The following PCDHA9 variants were observed in gnomAD, a reference collection of about 807,000 sequenced individuals.
PCDHA9 encodes protocadherin alpha-9.
A neutral mutation model predicts 62.0 loss-of-function variants in PCDHA9; 62 were observed. The ratio of observed to expected loss-of-function variants is 1.00; its 90% CI spans 0.81 to 1.23. The LOEUF is 1.23. Ranked by LOEUF, PCDHA9 falls within the 50% of genes most tolerant of loss-of-function variation. The pLI, the probability that PCDHA9 is intolerant of heterozygous loss-of-function variation, is 0.00. For synonymous variants in PCDHA9, 557 were observed against 567.6 expected, an observed-to-expected ratio of 0.98 and a Z score of 0.27; for missense variants, 1,205 against 1,249.8, an observed-to-expected ratio of 0.96 and a Z score of 0.54.
At chr5:140,865,367 A>G (rs1392735028) in intron 1 of PCDHA9, 1 of 152,348 alleles carries the variant, frequency 6.6e-6, no homozygotes, top group Middle Eastern at 3.4e-3. Flanking sequence ...CAGGATAACC[A>G]TGTTATAGGT....
Position 140,949,948 on chromosome 5 carries a change from G to T in PCDHA9, c.2395-29001G>T, listed in dbSNP as rs2094436034. Among the ~76,000 whole-genome samples the T allele has an allele frequency of 2.0e-5, 3 of 151,288 alleles. No individual in the cohort carries two copies. In the South Asian group the frequency reaches 6.2e-4, roughly 31 times the overall value. On this transcript the variant is annotated intron_variant, in intron 1 of 3. Coordinates refer to ENST00000532602, the MANE Select transcript of PCDHA9 (RefSeq NM_031857.2). ...GATTTTTTTTAATTTGCATTTTTTA[G>T]TGGTTGCTGTAAGGATTACAGCATA...
intron 1 of PCDHA9, chr5:140,968,152 C>T (rs782362724): frequency 6.2e-7 from 1 of 1,614,172 alleles, no homozygotes; most frequent in South Asian, 1.1e-5. Context: ...TCTCTGACAT[C>T]AATGACAATC....
At chr5:140,858,420 G>C in intron 1 of PCDHA9, 4 of 1,558,504 alleles carry the variant, frequency 2.6e-6, no homozygotes, top group South Asian at 1.1e-5. Context: ...TCTATTGGAG[G>C]GGACCACTCT....
At chr5:140,943,157 C>T (rs2093427609) in intron 1 of PCDHA9, among the ~76,000 whole-genome samples, 1 of 148,876 alleles carries the variant, frequency 6.7e-6, no homozygotes, top group South Asian at 2.1e-4. Context: ...ACTCTGGAGG[C>T]TGAGGCAGGA....
At chr5:140,912,864 T>C (rs1483499385) in intron 1 of PCDHA9, among the ~76,000 whole-genome samples, 1 of 152,212 alleles carries the variant, frequency 6.6e-6, no homozygotes, top group East Asian at 1.9e-4. Context: ...TGAAATGATA[T>C]ATGGTTTTTG....
In PCDHA9 at chr5:140,967,342, C is replaced by G. The variant is rs149890293; in HGVS notation, c.2395-11607C>G. On this transcript the variant is annotated intron_variant, in intron 1 of 3. Coordinates refer to ENST00000532602, the MANE Select transcript of PCDHA9 (RefSeq NM_031857.2). ...CCTACGAGCTCAGCCCCAGCGAGCACTTCGAGCTGGACCTTAAGCCCCTGC... is the reference window on the plus strand; with the variant it reads ...CCTACGAGCTCAGCCCCAGCGAGCAGTTCGAGCTGGACCTTAAGCCCCTGC... The G allele has an allele frequency of 1.9e-6, 3 of 1,607,992 alleles. No individual in the cohort carries two copies. In the African/African-American group the frequency reaches 4.0e-5, roughly 22 times the overall value.
chr5:140,970,026 T>A (rs2153783055), intron 1 of PCDHA9, among the ~76,000 whole-genome samples: 1 of 152,304 alleles, frequency 6.6e-6, no homozygotes, highest in Non-Finnish European at 1.5e-5. Context: ...GGCAGAGAGA[T>A]TAAGTACCAA....
chr5:140,877,121 C>A, intron 1 of PCDHA9: 1 of 1,613,694 alleles, frequency 6.2e-7, no homozygotes, highest in African/African-American at 1.3e-5. Flanking sequence ...AGCAACGTGA[C>A]GCTGCAGGTG....
chr5:140,899,491 A>T (rs1333944586), intron 1 of PCDHA9, among the ~76,000 whole-genome samples: 1 of 152,196 alleles, frequency 6.6e-6, no homozygotes, highest in East Asian at 1.9e-4. Flanking sequence ...GCTGGATTAC[A>T]TTTATTGATT....
chr5:140,880,848 T>C (rs557784006), intron 1 of PCDHA9, among the ~76,000 whole-genome samples: 31 of 152,258 alleles, frequency 2.0e-4, no homozygotes, highest in African/African-American at 7.0e-4. Flanking sequence ...TGGTTGACTA[T>C]GTAGTCTAAT....
At chr5:140,898,864 A>C (rs1401711928) in intron 1 of PCDHA9, among the ~76,000 whole-genome samples, 3 of 149,656 alleles carry the variant, frequency 2.0e-5, no homozygotes, top group African/African-American at 7.5e-5. Flanking sequence ...CTTTTATTTC[A>C]TTGAGCAGTG....
intron 1 of PCDHA9, among the ~76,000 whole-genome samples, chr5:140,957,750 TGTTCATTATATATGTTAAGTAAAAACTAA>T (rs1477515057): frequency 6.6e-6 from 1 of 152,128 alleles, no homozygotes; most frequent in African/African-American, 2.4e-5. Context: ...CATGAAAGGA[TGTTCATTATATATGTTAAGTAAAAACTAA>T]GTTCATCATA....
chr5:140,908,626 T>A (rs1162805222), intron 1 of PCDHA9, among the ~76,000 whole-genome samples: 3 of 152,020 alleles, frequency 2.0e-5, no homozygotes, highest in African/African-American at 4.8e-5. Context: ...ATCCTTGAGG[T>A]CTCCACTGTG....
At chr5:140,870,789 G>A in intron 1 of PCDHA9, 3 of 1,613,630 alleles carry the variant, frequency 1.9e-6, no homozygotes, top group Admixed American at 1.7e-5. Context: ...ACAACGCGCC[G>A]GCACTGCTGG....
Position 140,848,956 on chromosome 5 carries a change from T to C in PCDHA9, c.461T>C (p.Leu154Pro). Residue 154 changes from leucine (L) to proline (P), a missense_variant, in exon 1 of 4, where the codon CTA (leucine) becomes CCA (proline). By Grantham distance (98) the Leu-to-Pro change is moderately conservative. Around this residue, in one of 3 missense-constraint regions of PCDHA9, gnomAD observed 208 missense variants for 213.2 expected, o/e 0.98. Coordinates refer to ENST00000532602, the MANE Select transcript of PCDHA9 (RefSeq NM_031857.2). ...AGGCCGCTTGACTCTCGGTTTCCACTAGAGGGCGCGTCCGATGCAGATATC... is the reference window on the plus strand; with the variant it reads ...AGGCCGCTTGACTCTCGGTTTCCACCAGAGGGCGCGTCCGATGCAGATATC... ...ESRPLDSRFP[L>P]EGASDADIGE... The C allele has an allele frequency of 1.2e-6, 2 of 1,606,732 alleles. No homozygotes were observed. Among genetic ancestry groups the C allele is most frequent in the Non-Finnish European group, 1.7e-6 (2 of 1,176,548 alleles).
rs73793515 is a variant in PCDHA9 at position 140,889,833 on chromosome 5, T to C, written c.2394+38944T>C. ...TCAGGTCATAAGAAGTCTTACAGTA[T>C]GCTTTGGTCTCTGAGAATATTTGTT... On this transcript the variant is annotated intron_variant, in intron 1 of 3. Coordinates refer to ENST00000532602, the MANE Select transcript of PCDHA9 (RefSeq NM_031857.2). Among the ~76,000 whole-genome samples, 1,245 of 152,254 alleles carry C rather than the reference T, an allele frequency of 8.2e-3. 11 individuals are homozygous for C. The highest frequency in any genetic ancestry group is 0.029 in the African/African-American group (1,203 of 41,548).
At chr5:140,852,863 G>A (rs945338680) in intron 1 of PCDHA9, 4 of 958,208 alleles carry the variant, frequency 4.2e-6, no homozygotes, top group Non-Finnish European at 3.8e-6. Flanking sequence ...CATTTACTAT[G>A]TCATCAATAA....
chr5:140,862,685 C>T (rs782248340), intron 1 of PCDHA9: 8 of 552,656 alleles, frequency 1.4e-5, no homozygotes, highest in Non-Finnish European at 1.8e-5. Flanking sequence ...GTGCTGGTGT[C>T]CTACTCGTTG....
At chr5:140,965,864 G>A (rs553582487) in intron 1 of PCDHA9, among the ~76,000 whole-genome samples, 1 of 152,254 alleles carries the variant, frequency 6.6e-6, no homozygotes, top group East Asian at 1.9e-4. Flanking sequence ...CTGAAAATAA[G>A]GGCCACTTGG....
Sources: gnomAD v4.1 joint callset for allele counts (sites outside exome capture counted in the v4.1 genomes callset) on GRCh38, gnomAD v4.1.1 for gene constraint, gnomAD v4.1.1 regional missense constraint, MANE v1.5 for transcripts, NCBI Gene and HGNC (gene_info 2026-07-23, HGNC 2026-07-21) for gene names.